Variants in B3GAT2 observed in about 807,000 individuals in gnomAD.
B3GAT2 encodes beta-1,3-glucuronyltransferase 2, also known as galactosylgalactosylxylosylprotein 3-beta-glucuronosyltransferase 2.
A neutral mutation model predicts 27.8 loss-of-function variants in B3GAT2; 26 were observed. The ratio of observed to expected loss-of-function variants is 0.93; its 90% CI spans 0.68 to 1.30. B3GAT2 has a LOEUF of 1.30. Ranked by LOEUF, B3GAT2 falls within the 50% of genes most tolerant of loss-of-function variation. B3GAT2 has a pLI of 0.00. For synonymous variants in B3GAT2, 218 were observed against 195.1 expected (o/e 1.12, Z -0.98); for missense variants, 458 against 459.0 (o/e 1.00, Z 0.02).
chr6:70,857,108 A>ATATC lies in B3GAT2; in HGVS notation c.*4551_*4554dup, dbSNP rs2150013666. 3 of 1,369,028 alleles carry ATATC rather than the reference A, an allele frequency of 2.2e-6. No individual in the cohort carries two copies. In the South Asian group the frequency reaches 5.2e-5, roughly 24 times the overall value. The allele number at this position is 1,369,028 out of a possible 1,614,324, so 84.8% of individuals were successfully genotyped here. A position where few individuals can be genotyped will look rare whatever the true frequency, so the allele number is the denominator to read the frequency against. Reference sequence around the variant, plus strand: ...GTAATTATATAATAAGATCAATTATATATCTTTTATTGTTCCATGTAGTGA... The same window carrying ATATC: ...GTAATTATATAATAAGATCAATTATATATCTATCTTTTATTGTTCCATGTAGTGA... On this transcript the variant is annotated 3_prime_UTR_variant, in exon 4 of 4. Transcript: ENST00000230053.
chr6:70,879,407 T>C (rs1345347695), intron 2 of B3GAT2, among the ~76,000 whole-genome samples: 4 of 152,192 alleles, frequency 2.6e-5, no homozygotes, highest in Non-Finnish European at 5.9e-5. Context: ...GAAGCAGTTT[T>C]CCCCCTGACC....
At chr6:70,936,992 T>C (rs1270553768) in intron 1 of B3GAT2, among the ~76,000 whole-genome samples, 3 of 151,458 alleles carry the variant, frequency 2.0e-5, no homozygotes, top group African/African-American at 4.9e-5. Flanking sequence ...ATCAACAAAA[T>C]TGATAGACCA....
rs566691186 is a variant in B3GAT2, at chr6:70,935,530, T to C, written c.591+20309A>G. On this transcript the variant is annotated intron_variant, in intron 1 of 3. Coordinates refer to ENST00000230053, the MANE Select transcript of B3GAT2 (RefSeq NM_080742.3). ...AAAAGTATGTTTATTAAATGAATGGTGGTGGGTATCAAACTGTTAACAATA... is the reference window on the plus strand; with the variant it reads ...AAAAGTATGTTTATTAAATGAATGGCGGTGGGTATCAAACTGTTAACAATA... Among the ~76,000 whole-genome samples, 8 of 152,138 alleles carry C rather than the reference T, an allele frequency of 5.3e-5. No homozygotes were observed. The South Asian group carries it at 1.5e-3, about 28-fold the overall frequency.
rs1259231261 is a variant in B3GAT2, at chr6:70,861,028, GTAAC to G, written c.*631_*634del. ...TTTTTCTGCACTATATGCAAACAGG[GTAAC>G]TAACTAAAACAAAGCCACTTTCAAT... On this transcript the variant is annotated 3_prime_UTR_variant, in exon 4 of 4. Coordinates refer to ENST00000230053, the MANE Select transcript of B3GAT2 (RefSeq NM_080742.3). The G allele has an allele frequency of 4.7e-5, 12 of 256,170 alleles. No homozygotes were observed. The highest frequency in any genetic ancestry group is 3.5e-4 in the South Asian group (2 of 5,726). The allele number at this position is 256,170 out of a possible 1,614,324, so 15.9% of individuals were successfully genotyped here.
intron 1 of B3GAT2, among the ~76,000 whole-genome samples, chr6:70,927,891 C>T (rs1218174270): frequency 6.6e-6 from 1 of 152,208 alleles, no homozygotes; most frequent in East Asian, 1.9e-4. Flanking sequence ...ACTTTCTTCT[C>T]AGCACCACAT....
intron 2 of B3GAT2, among the ~76,000 whole-genome samples, chr6:70,883,428 GA>G (rs1169895500): frequency 7.0e-6 from 1 of 142,240 alleles, no homozygotes; most frequent in Non-Finnish European, 1.5e-5. Context: ...AATATAATAT[GA>G]ATGAACCTTA....
intron 1 of B3GAT2, among the ~76,000 whole-genome samples, chr6:70,953,804 A>G (rs1268477437): frequency 6.6e-6 from 1 of 151,942 alleles, no homozygotes; most frequent in Non-Finnish European, 1.5e-5. Context: ...TGACAACACT[A>G]TTTTTTTCTC....
Position 70,861,429 on chromosome 6 carries a change from T to C in B3GAT2, c.*234A>G. The C allele has an allele frequency of 2.0e-6, 1 of 510,460 alleles. No individual in the cohort carries two copies. Among genetic ancestry groups the C allele is most frequent in the Non-Finnish European group, 3.5e-6 (1 of 284,686 alleles). 31.6% of individuals were successfully genotyped at this position (510,460 alleles called of 1,614,324 possible). On this transcript the variant is annotated 3_prime_UTR_variant, in exon 4 of 4. Transcript: ENST00000230053. ...CAAAAAAATCTTCCAATTTAGTTGT[T>C]GTAGAGAAAACATGCAGAACAAATG... is the stretch of plus-strand genomic sequence containing the variant.
intron 1 of B3GAT2, among the ~76,000 whole-genome samples, chr6:70,902,594 A>G (rs1772518622): frequency 6.7e-6 from 1 of 150,318 alleles, no homozygotes; most frequent in South Asian, 2.1e-4. Flanking sequence ...GCCTATCAAC[A>G]GATGAATGGA....
At chr6:70,950,609 G>A (rs1320786509) in intron 1 of B3GAT2, among the ~76,000 whole-genome samples, 2 of 152,176 alleles carry the variant, frequency 1.3e-5, no homozygotes, top group African/African-American at 4.8e-5. Flanking sequence ...TTACTTCCTA[G>A]TGCTTCTGTT....
Position 70,858,011 on chromosome 6 carries a change from G to A in B3GAT2, c.*3652C>T, listed in dbSNP as rs751075007. The A allele has an allele frequency of 6.2e-7, 1 of 1,614,046 alleles. No individual in the cohort carries two copies. Among genetic ancestry groups the A allele is most frequent in the African/African-American group, 1.3e-5 (1 of 74,932 alleles). ...TCCATCGATGGGCGTGCCTGTGCCT[G>A]CAGCTCCTGGCCTTATAGGAAATGT... On this transcript the variant is annotated 3_prime_UTR_variant, in exon 4 of 4. Coordinates refer to ENST00000230053, the MANE Select transcript of B3GAT2 (RefSeq NM_080742.3).
chr6:70,936,689 T>C (rs980734821), intron 1 of B3GAT2, among the ~76,000 whole-genome samples: 3 of 151,988 alleles, frequency 2.0e-5, no homozygotes, highest in Non-Finnish European at 4.4e-5. Flanking sequence ...GAAATAAAGA[T>C]GTTCTTTGAA....
At position 70,956,879 on chromosome 6, in the gene B3GAT2, T is replaced by A; in HGVS notation, c.-450A>T. ...AGCCGCGGGCCCCCAGGACGCTCTC[T>A]GGGACGCCTTCGAGGGCGGGCGGCG... is the stretch of plus-strand genomic sequence containing the variant. On this transcript the variant is annotated 5_prime_UTR_variant, in exon 1 of 4. Transcript: ENST00000230053. 1 of 1,019,952 alleles carries A rather than the reference T, an allele frequency of 9.8e-7. No individual in the cohort carries two copies. The highest frequency in any genetic ancestry group is 1.2e-6 in the Non-Finnish European group (1 of 852,692). The allele number at this position is 1,019,952 out of a possible 1,614,324, so 63.2% of individuals were successfully genotyped here.
chr6:70,944,247 G>A (rs891314915), intron 1 of B3GAT2, among the ~76,000 whole-genome samples: 12 of 152,258 alleles, frequency 7.9e-5, no homozygotes, highest in East Asian at 5.8e-4. Context: ...GCAGCACACC[G>A]TGCCCAAGCG....
Position 70,894,185 on chromosome 6 carries a change from C to CT in B3GAT2, c.678dup (p.Val227SerfsTer37). 2 of 1,613,792 alleles carry CT rather than the reference C, an allele frequency of 1.2e-6. No individual in the cohort carries two copies. Among genetic ancestry groups the CT allele is most frequent in the Non-Finnish European group, 1.7e-6 (2 of 1,179,764 alleles). On this transcript the variant is annotated frameshift_variant, in exon 2 of 4. Transcript: ENST00000230053. LOFTEE classifies it high-confidence loss of function. ...CTCCAGCCGGTGTACCAGCCAACAA[C>CT]TTTGCCGTTTTCCACCAGCGGACGT...
At chr6:70,946,498 C>T (rs374906381) in intron 1 of B3GAT2, among the ~76,000 whole-genome samples, 11 of 151,794 alleles carry the variant, frequency 7.2e-5, no homozygotes, top group African/African-American at 1.5e-4. Flanking sequence ...CGTTACATAA[C>T]GGTAAAGGGA....
intron 1 of B3GAT2, among the ~76,000 whole-genome samples, chr6:70,900,929 T>C (rs1772487763): frequency 6.6e-6 from 1 of 152,218 alleles, no homozygotes; most frequent in African/African-American, 2.4e-5. Flanking sequence ...ATCCTGTTTT[T>C]TTAAACTAAC....
chr6:70,918,911 C>T (rs1014828981), intron 1 of B3GAT2, among the ~76,000 whole-genome samples: 5 of 152,068 alleles, frequency 3.3e-5, no homozygotes, highest in Non-Finnish European at 5.9e-5. Context: ...TTGTGGTGTT[C>T]TCTGTATTTC....
At chr6:70,955,248 C>T (rs1765635397) in intron 1 of B3GAT2, among the ~76,000 whole-genome samples, 1 of 152,022 alleles carries the variant, frequency 6.6e-6, no homozygotes, top group South Asian at 2.1e-4. Flanking sequence ...GGAAGGACCT[C>T]CATAGAAGTC....
Sources: allele counts gnomAD v4.1 joint callset (sites outside exome capture counted in the v4.1 genomes callset), GRCh38; gene constraint gnomAD v4.1.1; transcripts MANE v1.5; gene names NCBI Gene and HGNC (gene_info 2026-07-23, HGNC 2026-07-21).